The following PCSK6 variants were observed in gnomAD, a reference collection of about 807,000 sequenced individuals.
PCSK6 encodes paired basic amino acid cleaving enzyme 4.
PCSK6 carries 85 observed loss-of-function variants against 123.3 expected under a neutral mutation model. That is an observed-to-expected ratio of 0.69 (90% CI 0.58 to 0.83). PCSK6 has a LOEUF of 0.83. Ranked by LOEUF, PCSK6 falls within the 40% of genes least tolerant of loss-of-function variation. The pLI is 0.00. For synonymous variants in PCSK6, 508 were observed against 516.0 expected, an observed-to-expected ratio of 0.98 and a Z score of 0.21; for missense variants, 1,191 against 1,282.3, an observed-to-expected ratio of 0.93 and a Z score of 1.09.
At chr15:101,410,297 T>C (rs2042908961) in intron 6 of PCSK6, among the ~76,000 whole-genome samples, 2 of 152,120 alleles carry the variant, frequency 1.3e-5, no homozygotes, top group African/African-American at 2.4e-5. Context: ...TGCACTCACC[T>C]TGGAGGTGAG....
chr15:101,329,912 G>T (rs925588895), intron 15 of PCSK6, among the ~76,000 whole-genome samples: 1 of 152,146 alleles, frequency 6.6e-6, no homozygotes, highest in African/African-American at 2.4e-5. Flanking sequence ...AGCTCCCTAA[G>T]CCCACGGTGC....
intron 13 of PCSK6, among the ~76,000 whole-genome samples, chr15:101,360,547 T>A (rs1307730081): frequency 9.1e-6 from 1 of 109,930 alleles, no homozygotes; most frequent in Non-Finnish European, 1.7e-5. Flanking sequence ...CCGGGGGCCT[T>A]AGCATCCCCT....
chr15:101,336,284 G>A (rs2040474934), intron 13 of PCSK6, among the ~76,000 whole-genome samples: 1 of 152,244 alleles, frequency 6.6e-6, no homozygotes. Flanking sequence ...TTGCTTTGGA[G>A]ATTAAATGAC....
chr15:101,480,386 C>G (rs1429173376), intron 1 of PCSK6, among the ~76,000 whole-genome samples: 1 of 152,254 alleles, frequency 6.6e-6, no homozygotes, highest in Admixed American at 6.5e-5. Flanking sequence ...CTTGTTTATG[C>G]CCAAGCAGCC....
chr15:101,437,312 C>A (rs935884300), intron 2 of PCSK6, among the ~76,000 whole-genome samples: 11 of 152,224 alleles, frequency 7.2e-5, no homozygotes, highest in Non-Finnish European at 1.5e-4. Flanking sequence ...GATGCCCAGG[C>A]CCACCTCCGG....
chr15:101,489,079 G>A (rs1270480402), intron 1 of PCSK6, among the ~76,000 whole-genome samples: 1 of 149,242 alleles, frequency 6.7e-6, no homozygotes, highest in Admixed American at 6.6e-5. Flanking sequence ...CCACACTTCC[G>A]AGCGCGGGGT....
intron 12 of PCSK6, among the ~76,000 whole-genome samples, chr15:101,368,035 C>A (rs1010216319): frequency 7.2e-5 from 11 of 152,200 alleles, no homozygotes; most frequent in African/African-American, 2.7e-4. Context: ...AGGTTGGTCT[C>A]GAACTCCTGA....
At chr15:101,486,136 G>C (rs967216082) in intron 1 of PCSK6, among the ~76,000 whole-genome samples, 3 of 151,696 alleles carry the variant, frequency 2.0e-5, no homozygotes, top group Non-Finnish European at 4.4e-5. Flanking sequence ...GCTAATTTTT[G>C]TATTTTTAGT....
intron 6 of PCSK6, among the ~76,000 whole-genome samples, chr15:101,421,925 A>G (rs1324608305): frequency 6.6e-6 from 1 of 152,154 alleles, no homozygotes; most frequent in Non-Finnish European, 1.5e-5. Flanking sequence ...TATCAGACTA[A>G]CTCTTCTTAT....
intron 8 of PCSK6, among the ~76,000 whole-genome samples, chr15:101,392,339 G>A (rs2042255946): frequency 1.3e-5 from 2 of 152,240 alleles, no homozygotes. Context: ...GATGGCAGCT[G>A]ACCTTTCACT....
At chr15:101,343,138 T>G (rs957226369) in intron 13 of PCSK6, among the ~76,000 whole-genome samples, 1 of 152,238 alleles carries the variant, frequency 6.6e-6, no homozygotes, top group African/African-American at 2.4e-5. Context: ...AAGTTGTATT[T>G]TTTCTTGGAA....
intron 18 of PCSK6, among the ~76,000 whole-genome samples, chr15:101,319,327 T>C (rs2040063755): frequency 6.6e-6 from 1 of 152,152 alleles, no homozygotes; most frequent in Non-Finnish European, 1.5e-5. Flanking sequence ...GCAAGGGCTC[T>C]GGGGTGCATC....
intron 17 of PCSK6, among the ~76,000 whole-genome samples, chr15:101,323,345 C>T (rs2040174674): frequency 6.6e-6 from 1 of 152,180 alleles, no homozygotes; most frequent in African/African-American, 2.4e-5. Context: ...ATGAAGGCGC[C>T]TCCGTCCTTT....
intron 13 of PCSK6, among the ~76,000 whole-genome samples, chr15:101,362,330 G>A (rs1316260817): frequency 6.6e-6 from 1 of 152,226 alleles, no homozygotes; most frequent in Admixed American, 6.5e-5. Flanking sequence ...CAAGCTCAGA[G>A]CCAGTTAGAC....
At chr15:101,422,953 A>G (rs1330020920) in intron 6 of PCSK6, among the ~76,000 whole-genome samples, 3 of 152,188 alleles carry the variant, frequency 2.0e-5, no homozygotes, top group Admixed American at 6.5e-5. Context: ...CAAAGACAAC[A>G]GAATCCAGAG....
intron 1 of PCSK6, among the ~76,000 whole-genome samples, chr15:101,456,380 T>C (rs1596353212): frequency 6.6e-6 from 1 of 152,208 alleles, no homozygotes; most frequent in Non-Finnish European, 1.5e-5. Context: ...AACCGTTCCT[T>C]CCTCTTCTGT....
chr15:101,385,909 C>T (rs952597141), intron 9 of PCSK6, among the ~76,000 whole-genome samples: 4 of 152,168 alleles, frequency 2.6e-5, no homozygotes, highest in East Asian at 1.9e-4. Flanking sequence ...CTTTTTTAGT[C>T]GGTTAAATTG....
intron 1 of PCSK6, among the ~76,000 whole-genome samples, chr15:101,456,301 G>A (rs1049608015): frequency 1.1e-4 from 17 of 152,154 alleles, no homozygotes; most frequent in African/African-American, 3.1e-4. Context: ...CCACAGTGAC[G>A]AGACTCTGTG....
intron 6 of PCSK6, among the ~76,000 whole-genome samples, chr15:101,419,264 C>G (rs1415533131): frequency 6.6e-6 from 1 of 151,428 alleles, no homozygotes; most frequent in Non-Finnish European, 1.5e-5. Flanking sequence ...AAACAAAACC[C>G]AACATACAAA....
Sources: allele counts gnomAD v4.1 joint callset (sites outside exome capture counted in the v4.1 genomes callset), GRCh38; gene constraint gnomAD v4.1.1; transcripts MANE v1.5; gene names NCBI Gene and HGNC (gene_info 2026-07-23, HGNC 2026-07-21).